Variants in GPR39 observed in about 807,000 individuals in gnomAD.
GPR39 encodes G protein-coupled receptor 39.
GPR39 carries 23 observed loss-of-function variants against 18.4 expected under a neutral mutation model. That is an observed-to-expected ratio of 1.25 (90% CI 0.90 to 1.77). The LOEUF is 1.77. GPR39 is among the 40% of genes most tolerant of loss of function. GPR39 has a pLI of 0.00. For synonymous variants in GPR39, 280 were observed against 257.9 expected, an observed-to-expected ratio of 1.09 and a Z score of -0.82; for missense variants, 647 against 602.4, an observed-to-expected ratio of 1.07 and a Z score of -0.78.
intron 1 of GPR39, among the ~76,000 whole-genome samples, chr2:132,512,418 A>C (rs1679257571): frequency 6.6e-6 from 1 of 152,074 alleles, no homozygotes; most frequent in African/African-American, 2.4e-5. Context: ...CTGGCACCCT[A>C]ATGGCCTCCA....
chr2:132,524,494 C>T (rs1286746962), intron 1 of GPR39, among the ~76,000 whole-genome samples: 1 of 152,186 alleles, frequency 6.6e-6, no homozygotes, highest in East Asian at 1.9e-4. Context: ...AAGCAACAAC[C>T]TGCACTTTGC....
intron 1 of GPR39, among the ~76,000 whole-genome samples, chr2:132,570,228 T>C (rs1198736449): frequency 6.6e-6 from 1 of 152,090 alleles, no homozygotes; most frequent in African/African-American, 2.4e-5. Flanking sequence ...TCAACTGCCC[T>C]GCTCTCTGTC....
At chr2:132,545,869 A>G (rs1679939207) in intron 1 of GPR39, among the ~76,000 whole-genome samples, 1 of 152,186 alleles carries the variant, frequency 6.6e-6, no homozygotes, top group Non-Finnish European at 1.5e-5. Flanking sequence ...AACAAGAGAC[A>G]ATAAGAGTCT....
chr2:132,486,690 G>A (rs1389589933), intron 1 of GPR39, among the ~76,000 whole-genome samples: 1 of 152,196 alleles, frequency 6.6e-6, no homozygotes, highest in Non-Finnish European at 1.5e-5. Context: ...GAATTAAAGA[G>A]AGTTAGAGTC....
At chr2:132,598,467 T>TGTTG (rs140063660) in intron 1 of GPR39, among the ~76,000 whole-genome samples, 7 of 137,160 alleles carry the variant, frequency 5.1e-5, no homozygotes, top group African/African-American at 1.4e-4. Flanking sequence ...AATGGGGTTT[T>TGTTG]TTGTTGTTGT....
intron 1 of GPR39, among the ~76,000 whole-genome samples, chr2:132,566,529 C>G (rs968498634): frequency 6.6e-6 from 1 of 152,216 alleles, no homozygotes; most frequent in African/African-American, 2.4e-5. Flanking sequence ...GTCCTTTCAT[C>G]TCTCTAGGAG....
chr2:132,619,949 G>A (rs999211583), intron 1 of GPR39, among the ~76,000 whole-genome samples: 2 of 151,996 alleles, frequency 1.3e-5, no homozygotes, highest in Admixed American at 6.5e-5. Context: ...CTCTGAATGA[G>A]GCCTGCTCAC....
intron 1 of GPR39, among the ~76,000 whole-genome samples, chr2:132,496,223 T>C (rs193040988): frequency 1.4e-4 from 21 of 152,314 alleles, no homozygotes; most frequent in Admixed American, 1.4e-3. Context: ...TCACCCTTCC[T>C]GAAACATTTT....
At chr2:132,529,614 G>A (rs1396460729) in intron 1 of GPR39, among the ~76,000 whole-genome samples, 1 of 152,222 alleles carries the variant, frequency 6.6e-6, no homozygotes, top group Non-Finnish European at 1.5e-5. Context: ...AGTAGGGGCG[G>A]ACTGACACCT....
intron 1 of GPR39, among the ~76,000 whole-genome samples, chr2:132,638,336 G>A (rs1681800862): frequency 6.6e-6 from 1 of 152,218 alleles, no homozygotes; most frequent in African/African-American, 2.4e-5. Flanking sequence ...AGTGCCCACT[G>A]AGCCAGGGGC....
chr2:132,646,254 A>G lies in GPR39; in HGVS notation c.*648A>G. 1 of 1,570,890 alleles carries G rather than the reference A, an allele frequency of 6.4e-7. No individual in the cohort carries two copies. The highest frequency in any genetic ancestry group is 8.7e-7 in the Non-Finnish European group (1 of 1,155,498). ...GAGGCGATGAGACAGGCCGCTGATG[A>G]TGCACAGGACTTGCGGTACATGATC... On this transcript the variant is annotated 3_prime_UTR_variant, in exon 2 of 2. Transcript: ENST00000329321.
At chr2:132,476,817 A>G (rs1422825957) in intron 1 of GPR39, among the ~76,000 whole-genome samples, 1 of 152,172 alleles carries the variant, frequency 6.6e-6, no homozygotes, top group African/African-American at 2.4e-5. Flanking sequence ...TCGGCTCTGT[A>G]GGACAGGCTG....
At chr2:132,547,172 CTTTGAGGGGAGTG>C (rs1679965490) in intron 1 of GPR39, among the ~76,000 whole-genome samples, 3 of 152,030 alleles carry the variant, frequency 2.0e-5, no homozygotes, top group Non-Finnish European at 4.4e-5. Context: ...TAACAGAGTC[CTTTGAGGGGAGTG>C]ATATTTCAGG....
chr2:132,417,931 G>C (rs1679941867), intron 1 of GPR39, 33 bp downstream of exon 1: 1 of 1,540,660 alleles, frequency 6.5e-7, no homozygotes, highest in South Asian at 1.2e-5. Flanking sequence ...CACGTGAGCA[G>C]CTTCCCAACC....
intron 1 of GPR39, among the ~76,000 whole-genome samples, chr2:132,480,377 C>T (rs954137570): frequency 6.6e-6 from 1 of 151,998 alleles, no homozygotes; most frequent in Non-Finnish European, 1.5e-5. Context: ...GAATTGTAAA[C>T]TTAAAAATGG....
intron 1 of GPR39, among the ~76,000 whole-genome samples, chr2:132,525,021 G>A (rs1679484649): frequency 6.6e-6 from 1 of 152,106 alleles, no homozygotes; most frequent in Non-Finnish European, 1.5e-5. Context: ...TTGTCTGTGT[G>A]GGACCCCTGA....
Position 132,417,231 on chromosome 2 carries a change from C to T in GPR39, c.189C>T (p.Tyr63=), listed in dbSNP as rs748972538. 1 of 1,614,158 alleles carries T rather than the reference C, an allele frequency of 6.2e-7. No individual in the cohort carries two copies. Among genetic ancestry groups the T allele is most frequent in the Non-Finnish European group, 8.5e-7 (1 of 1,180,030 alleles). The part of the protein sequence containing the change: ...RVTQVLQKKG[Y]LQKEVTDHMV... ...CCCAGGTGCTGCAGAAGAAAGGATA[C>T]TTGCAGAAGGAGGTGACAGACCACA... Residue 63 remains tyrosine (Y), a synonymous_variant, in exon 1 of 2, where the codon TAC becomes TAT. Transcript: ENST00000329321.
chr2:132,468,634 C>T (rs927366348), intron 1 of GPR39, among the ~76,000 whole-genome samples: 1 of 152,288 alleles, frequency 6.6e-6, no homozygotes, highest in South Asian at 2.1e-4. Flanking sequence ...AACCTTTGCC[C>T]AAAGGGTTTT....
chr2:132,489,596 A>G (rs1681417794), intron 1 of GPR39, among the ~76,000 whole-genome samples: 2 of 152,088 alleles, frequency 1.3e-5, no homozygotes, highest in South Asian at 4.1e-4. Context: ...GGGTAAGGAA[A>G]ACCTTGGGTA....
Sources: gnomAD v4.1 joint callset for allele counts (sites outside exome capture counted in the v4.1 genomes callset) on GRCh38, gnomAD v4.1.1 for gene constraint, MANE v1.5 for transcripts, NCBI Gene and HGNC (gene_info 2026-07-23, HGNC 2026-07-21) for gene names.